BRD9: variants seen among roughly 807,000 people sequenced by gnomAD.
BRD9 encodes bromodomain-containing protein 9.
In BRD9, 47 loss-of-function variants were observed where a neutral mutation model predicts 68.7. The observed-to-expected ratio is 0.68, with a 90% CI of 0.54 to 0.87. The LOEUF (loss-of-function observed/expected upper bound fraction) is 0.87. BRD9 is among the 40% of genes least tolerant of loss of function. The pLI is 0.00. For synonymous variants in BRD9, 313 were observed against 293.9 expected, an observed-to-expected ratio of 1.06 and a Z score of -0.67; for missense variants, 670 against 748.4, an observed-to-expected ratio of 0.90 and a Z score of 1.22.
chr5:881,831 AG>A (rs1232953400), intron 8 of BRD9: 1 of 153,122 alleles, frequency 6.5e-6, no homozygotes. Context: ...CAGGATGGCC[AG>A]GGCCCTGGGG....
At chr5:890,569 CAG>C (rs1753211307) in intron 3 of BRD9, among the ~76,000 whole-genome samples, 1 of 152,234 alleles carries the variant, frequency 6.6e-6, no homozygotes, top group Non-Finnish European at 1.5e-5. Flanking sequence ...GTGCCCACGA[CAG>C]AGATTCTACT....
intron 7 of BRD9, 126 bp from the exon 8 acceptor site, chr5:884,196 C>T: frequency 2.5e-6 from 3 of 1,184,402 alleles, no homozygotes; most frequent in Non-Finnish European, 3.5e-6. Flanking sequence ...GCAGAGCATA[C>T]TTAACTCCTT....
rs762859429 is a variant in BRD9 at position 864,526 on chromosome 5, G to A, written c.1736C>T (p.Thr579Ile). The A allele has an allele frequency of 6.2e-7, 1 of 1,613,890 alleles. No homozygotes were observed. The highest frequency in any genetic ancestry group is 8.5e-7 in the Non-Finnish European group (1 of 1,179,960). ...CTGAAGAAACTCATAGGGGTCGTGG[G>A]TGACGTCTGGCTGCTCCCCGACACT... ...RLSVGEQPDVTHDPYEFLQSP... is the reference protein window; with the variant it reads ...RLSVGEQPDVIHDPYEFLQSP... The change falls in exon 16 of 16, where the codon ACC becomes ATC. Residue 579 changes from threonine (T) to isoleucine (I), a missense_variant. Physicochemically the swap from Thr to Ile is moderately conservative, Grantham distance 89 (BLOSUM62 -1). Coordinates refer to ENST00000467963, the MANE Select transcript of BRD9 (RefSeq NM_023924.5).
intron 12 of BRD9, among the ~76,000 whole-genome samples, chr5:873,504 C>A (rs565782176): frequency 6.6e-6 from 1 of 152,246 alleles, no homozygotes; most frequent in Non-Finnish European, 1.5e-5. Context: ...CTTGCAGATA[C>A]CGCCCTTCTA....
intron 14 of BRD9, among the ~76,000 whole-genome samples, chr5:868,264 A>G (rs1020543610): frequency 6.6e-6 from 1 of 152,220 alleles, no homozygotes; most frequent in Non-Finnish European, 1.5e-5. Flanking sequence ...TGAGTCAATT[A>G]AACCTCTTTC....
intron 5 of BRD9, among the ~76,000 whole-genome samples, chr5:887,753 G>A (rs1033221550): frequency 5.3e-5 from 8 of 152,278 alleles, no homozygotes; most frequent in Non-Finnish European, 1.2e-4. Context: ...CGTTTCCTGC[G>A]CTTCTTGCAT....
intron 12 of BRD9, 125 bp from the exon 13 acceptor site, chr5:871,689 C>T (rs1750151428): frequency 2.2e-6 from 2 of 898,738 alleles, no homozygotes; most frequent in Admixed American, 1.8e-5. Flanking sequence ...TCCCCAGTCA[C>T]ACCATCTTAA....
At chr5:871,488 A>G in intron 13 of BRD9, 38 bp downstream of exon 13, 1 of 1,599,866 alleles carries the variant, frequency 6.3e-7, no homozygotes, top group African/African-American at 1.3e-5. Context: ...CCCTGTGAGA[A>G]TAATATTTGG....
At chr5:887,511 CCA>C (rs1752740838) in intron 5 of BRD9, 40 bp from the exon 6 acceptor site, 1 of 1,468,808 alleles carries the variant, frequency 6.8e-7, no homozygotes, top group Non-Finnish European at 9.5e-7. Flanking sequence ...GTTTGAAATG[CCA>C]CAGACAACAG....
chr5:870,708 A>G, intron 13 of BRD9, 133 bp from the exon 14 acceptor site: 2 of 639,320 alleles, frequency 3.1e-6, no homozygotes, highest in Admixed American at 4.9e-5. Flanking sequence ...TGACAAGACC[A>G]AGCCCTGTTC....
intron 4 of BRD9, 148 bp from the exon 5 acceptor site, chr5:889,313 T>A (rs1255460894): frequency 1.1e-5 from 11 of 967,232 alleles, no homozygotes; most frequent in East Asian, 2.6e-5. Context: ...TTGTGATAGG[T>A]ATTTCAGATA....
At chr5:884,412 C>A (rs1752254394) in intron 7 of BRD9, among the ~76,000 whole-genome samples, 1 of 152,236 alleles carries the variant, frequency 6.6e-6, no homozygotes, top group Non-Finnish European at 1.5e-5. Flanking sequence ...AGAAAAGTGA[C>A]TGGAAAAGCC....
intron 7 of BRD9, 120 bp downstream of exon 7, chr5:886,472 G>T (rs1023519611): frequency 3.6e-5 from 37 of 1,022,762 alleles, no homozygotes; most frequent in Non-Finnish European, 5.2e-5. Flanking sequence ...GCTACACCAA[G>T]AATGTCTATG....
chr5:876,071 C>G lies in BRD9; in HGVS notation c.1383+30G>C, dbSNP rs369163361. 3.3e-6 allele frequency: 5 copies of G among 1,526,072 alleles called. No individual in the cohort carries two copies. The South Asian group carries it at 5.6e-5, about 17-fold the overall frequency. The allele number at this position is 1,526,072 out of a possible 1,614,324, so 94.5% of individuals were successfully genotyped here. On this transcript the variant is annotated intron_variant, in intron 12 of 15. Coordinates refer to ENST00000467963, the MANE Select transcript of BRD9 (RefSeq NM_023924.5). ...GCCAGCAGCACCCCAAGGGCACCTG[C>G]CCCCCAACCCCGGTGCGAGTGCAGC...
At chr5:872,353 C>T (rs1226001066) in intron 12 of BRD9, among the ~76,000 whole-genome samples, 1 of 152,190 alleles carries the variant, frequency 6.6e-6, no homozygotes, top group Non-Finnish European at 1.5e-5. Flanking sequence ...TCATTTACTG[C>T]GGGGGTGCAC....
At chr5:874,951 T>C (rs1196427806) in intron 12 of BRD9, among the ~76,000 whole-genome samples, 4 of 152,122 alleles carry the variant, frequency 2.6e-5, no homozygotes, top group South Asian at 2.1e-4. Flanking sequence ...TGGTGGAAAA[T>C]GACATTTGAG....
intron 8 of BRD9, chr5:883,027 C>T (rs1289744147): frequency 6.3e-5 from 21 of 331,154 alleles, no homozygotes; most frequent in Admixed American, 3.5e-4. Flanking sequence ...CCTCCCAACA[C>T]GCAAGCCATA....
At chr5:883,821 C>T (rs534598006) in intron 8 of BRD9, 117 bp downstream of exon 8, 160 of 1,436,470 alleles carry the variant, frequency 1.1e-4, no homozygotes, top group Non-Finnish European at 1.4e-4. Flanking sequence ...CAGGGCCCCA[C>T]GCTGACCTCT....
intron 7 of BRD9, among the ~76,000 whole-genome samples, chr5:886,277 G>C (rs1752548247): frequency 6.6e-6 from 1 of 152,238 alleles, no homozygotes; most frequent in South Asian, 2.1e-4. Context: ...TTGGCTGCCG[G>C]CAGGCGCTGT....
Sources: gnomAD v4.1 joint callset for allele counts (sites outside exome capture counted in the v4.1 genomes callset) on GRCh38, gnomAD v4.1.1 for gene constraint, MANE v1.5 for transcripts, NCBI Gene and HGNC (gene_info 2026-07-23, HGNC 2026-07-21) for gene names.